CDC42SE2: variants seen among roughly 807,000 people sequenced by gnomAD.
CDC42SE2 encodes CDC42 small effector 2.
A neutral mutation model predicts 11.5 loss-of-function variants in CDC42SE2; 3 were observed. That is an observed-to-expected ratio of 0.26 (90% CI 0.12 to 0.67). The LOEUF (loss-of-function observed/expected upper bound fraction) is 0.67. Ranked by LOEUF, CDC42SE2 falls within the 30% of genes least tolerant of loss-of-function variation. The probability of loss-of-function intolerance (pLI) is 0.80; values close to 1 mark genes in which losing one functional copy is unlikely to be tolerated. For missense variants in CDC42SE2, 82 were observed against 106.8 expected (o/e 0.77, Z 1.02); for synonymous variants, 33 against 34.8 (o/e 0.95, Z 0.18).
At chr5:131,297,798 T>C (rs956663405) in intron 1 of CDC42SE2, among the ~76,000 whole-genome samples, 3 of 151,808 alleles carry the variant, frequency 2.0e-5, no homozygotes, top group Non-Finnish European at 4.4e-5. Flanking sequence ...AAAAAAGCCT[T>C]TTTGATGTCA....
At chr5:131,351,412 G>A (rs980738496) in intron 2 of CDC42SE2, among the ~76,000 whole-genome samples, 2 of 152,000 alleles carry the variant, frequency 1.3e-5, no homozygotes, top group African/African-American at 2.4e-5. Flanking sequence ...CTGCCACCAC[G>A]CCCAGCAAAT....
At chr5:131,318,854 A>G (rs1005966312) in intron 2 of CDC42SE2, among the ~76,000 whole-genome samples, 2 of 152,208 alleles carry the variant, frequency 1.3e-5, no homozygotes, top group African/African-American at 4.8e-5. Flanking sequence ...GAGTTAGGTA[A>G]GGATGCCTCT....
chr5:131,327,614 C>G (rs1186296596), intron 2 of CDC42SE2, among the ~76,000 whole-genome samples: 3 of 152,056 alleles, frequency 2.0e-5, no homozygotes, highest in Admixed American at 2.0e-4. Context: ...AAATACAGGT[C>G]AAGAGTCCCT....
At chr5:131,233,267 T>C in the CDC42SE2 span, among the ~76,000 whole-genome samples, 4 of 152,154 alleles carry the variant, frequency 2.6e-5, no homozygotes, top group East Asian at 7.7e-4. Flanking sequence ...GATAATACAA[T>C]AGTTTTAAAA....
chr5:131,270,175 C>G (rs992009811), intron 1 of CDC42SE2, among the ~76,000 whole-genome samples: 2 of 151,950 alleles, frequency 1.3e-5, no homozygotes, highest in Admixed American at 6.6e-5. Context: ...GAGATCAAGA[C>G]CATCCTGGCT....
In CDC42SE2 at chr5:131,363,266, G is replaced by GA. The variant is rs35198617; in HGVS notation, c.54+3733dup. Among the ~76,000 whole-genome samples the GA allele has an allele frequency of 7.3e-3, 1,013 of 138,984 alleles. 10 individuals are homozygous for GA. Among genetic ancestry groups the GA allele is most frequent in the African/African-American group, 0.018 (731 of 39,798 alleles). The allele number at this position is 138,984 out of a possible 152,430, so 91.2% of individuals were successfully genotyped here. ...AAAAAACAAGGAACCCTGATTTACA[G>GA]AAAAAAAAAAAAAAGCCACTTTTCT... On this transcript the variant is annotated intron_variant, in intron 3 of 4. Coordinates refer to ENST00000505065, the MANE Select transcript of CDC42SE2 (RefSeq NM_001375635.1).
chr5:131,280,735 GT>G (rs1275365116), intron 1 of CDC42SE2, among the ~76,000 whole-genome samples: 1 of 152,104 alleles, frequency 6.6e-6, no homozygotes, highest in Non-Finnish European at 1.5e-5. Context: ...CTGTAGATAA[GT>G]TTATATTTTT....
At position 131,392,164 on chromosome 5, in the gene CDC42SE2, A is replaced by G. The variant is rs1200017140; in HGVS notation, c.*1073A>G. 1 of 152,612 alleles carries G rather than the reference A, an allele frequency of 6.6e-6. No individual in the cohort carries two copies. Among genetic ancestry groups the G allele is most frequent in the Non-Finnish European group, 1.5e-5 (1 of 67,996 alleles). 9.5% of individuals were successfully genotyped at this position (152,612 alleles called of 1,614,324 possible). The stretch of plus-strand genomic sequence containing the variant: ...TTTGCAGTTTTTTTTTTCTATTTTA[A>G]ACATTTTTCTTTTCACTGCCGACCC... On this transcript the variant is annotated 3_prime_UTR_variant, in exon 5 of 5. Coordinates refer to ENST00000505065, the MANE Select transcript of CDC42SE2 (RefSeq NM_001375635.1).
intron 1 of CDC42SE2, among the ~76,000 whole-genome samples, chr5:131,282,242 C>T (rs964350802): frequency 3.3e-5 from 5 of 152,126 alleles, no homozygotes; most frequent in African/African-American, 4.8e-5. Flanking sequence ...CCTGAGAAAT[C>T]GAAACATTTG....
intron 2 of CDC42SE2, among the ~76,000 whole-genome samples, chr5:131,323,093 C>T (rs1245389526): frequency 4.6e-5 from 7 of 151,946 alleles, no homozygotes; most frequent in Admixed American, 1.3e-4. Flanking sequence ...AATGGACAAT[C>T]GTGACTCACT....
At chr5:131,247,865 T>C (rs893846255) in intron 1 of CDC42SE2, among the ~76,000 whole-genome samples, 1 of 152,110 alleles carries the variant, frequency 6.6e-6, no homozygotes, top group Non-Finnish European at 1.5e-5. Context: ...GGTCTTGAAA[T>C]CCAGGCTCCA....
Position 131,342,153 on chromosome 5 carries a change from G to A in CDC42SE2, c.-285-17056G>A, listed in dbSNP as rs1020198430. ...AAATTAGCTGGGTGTCGTGGTGCAT[G>A]CCTGTAATCCCAGCTACTCGGGAGG... On this transcript the variant is annotated intron_variant, in intron 2 of 4. Coordinates refer to ENST00000505065, the MANE Select transcript of CDC42SE2 (RefSeq NM_001375635.1). Among the ~76,000 whole-genome samples the A allele has an allele frequency of 2.0e-5, 3 of 150,514 alleles. No homozygotes were observed. The South Asian group carries it at 6.3e-4, about 32-fold the overall frequency.
chr5:131,300,782 CAAAAA>C (rs1436586334), intron 1 of CDC42SE2, among the ~76,000 whole-genome samples: 1 of 87,420 alleles, frequency 1.1e-5, no homozygotes. Context: ...GACTCCGTCT[CAAAAA>C]AAAAAAAAAA....
At chr5:131,221,471 C>T in the CDC42SE2 span, among the ~76,000 whole-genome samples, 1 of 151,998 alleles carries the variant, frequency 6.6e-6, no homozygotes. Flanking sequence ...AATTCATCAA[C>T]ACCCTTCTGT....
chr5:131,378,141 C>T (rs1281030745), intron 3 of CDC42SE2, among the ~76,000 whole-genome samples: 1 of 152,176 alleles, frequency 6.6e-6, no homozygotes, highest in East Asian at 1.9e-4. Flanking sequence ...ACAGCCTCAA[C>T]TCGGAATGTT....
intron 1 of CDC42SE2, among the ~76,000 whole-genome samples, chr5:131,300,215 A>G (rs1202554410): frequency 1.3e-5 from 2 of 152,186 alleles, no homozygotes; most frequent in Non-Finnish European, 2.9e-5. Context: ...AAAACATGCC[A>G]TTACTGAGGA....
At chr5:131,237,349 T>A in the CDC42SE2 span, among the ~76,000 whole-genome samples, 1 of 152,234 alleles carries the variant, frequency 6.6e-6, no homozygotes, top group African/African-American at 2.4e-5. Flanking sequence ...CTTCGGCACC[T>A]TGAAATAATT....
At chr5:131,348,678 T>G (rs1219337510) in intron 2 of CDC42SE2, among the ~76,000 whole-genome samples, 1 of 152,156 alleles carries the variant, frequency 6.6e-6, no homozygotes, top group African/African-American at 2.4e-5. Context: ...GAGCCTGCAT[T>G]GCCTAGTCAA....
In CDC42SE2 at chr5:131,393,945, G is replaced by T. The variant is rs753102529; in HGVS notation, c.*2854G>T. The stretch of plus-strand genomic sequence containing the variant: ...TCTGCAGCTGCCACTAACTCTACAG[G>T]CACAGTAACTACACTTTATACAGGA... On this transcript the variant is annotated 3_prime_UTR_variant, in exon 5 of 5. Coordinates refer to ENST00000505065, the MANE Select transcript of CDC42SE2 (RefSeq NM_001375635.1). The T allele has an allele frequency of 8.0e-5, 12 of 150,818 alleles. No individual in the cohort carries two copies. The highest frequency in any genetic ancestry group is 1.6e-4 in the Non-Finnish European group (11 of 67,916). The allele number at this position is 150,818 out of a possible 1,614,324, so 9.3% of individuals were successfully genotyped here.
Sources: allele counts gnomAD v4.1 joint callset (sites outside exome capture counted in the v4.1 genomes callset), GRCh38; gene constraint gnomAD v4.1.1; transcripts MANE v1.5; gene names NCBI Gene and HGNC (gene_info 2026-07-23, HGNC 2026-07-21).